FIGN: variants seen among roughly 807,000 people sequenced by gnomAD.
FIGN encodes the protein fidgetin, microtubule severing factor, also known as fidgetin.
FIGN carries 11 observed loss-of-function variants against 51.3 expected under a neutral mutation model. The ratio of observed to expected loss-of-function variants is 0.21; its 90% confidence interval spans 0.13 to 0.35. The LOEUF is 0.35. Among genes scored for constraint, FIGN ranks in the 10% least tolerant of loss-of-function variants. The pLI is 1.00. For synonymous variants in FIGN, 407 were observed against 363.2 expected (o/e 1.12, Z -1.37); for missense variants, 857 against 943.6 (o/e 0.91, Z 1.20).
chr2:163,609,323 C>A lies in FIGN; in HGVS notation c.*229G>T, dbSNP rs960932512. The A allele has an allele frequency of 7.3e-6, 4 of 545,718 alleles. No individual in the cohort carries two copies. The highest frequency in any genetic ancestry group is 1.3e-5 in the Non-Finnish European group (4 of 309,326). 33.8% of individuals were successfully genotyped at this position (545,718 alleles called of 1,614,324 possible). ...TGAGTGTTGTCTAGCTTGAACAGAA[C>A]TGAGCATCCACATATGCTTTCTGTC... On this transcript the variant is annotated 3_prime_UTR_variant, in exon 3 of 3. Coordinates refer to ENST00000333129, the MANE Select transcript of FIGN (RefSeq NM_018086.4).
chr2:163,733,485 A>G (rs1229249740), intron 2 of FIGN, among the ~76,000 whole-genome samples: 1 of 152,224 alleles, frequency 6.6e-6, no homozygotes, highest in Non-Finnish European at 1.5e-5. Flanking sequence ...TCTGCTCTGA[A>G]TATATATTAC....
At chr2:163,727,400 TTC>T (rs1282872207) in intron 2 of FIGN, among the ~76,000 whole-genome samples, 2 of 151,798 alleles carry the variant, frequency 1.3e-5, no homozygotes, top group African/African-American at 4.8e-5. Context: ...AAAAAAAATA[TTC>T]CTAAACTGTG....
chr2:163,606,177 A>G lies in FIGN; in HGVS notation c.*3375T>C, dbSNP rs1180415035. 1 of 152,164 alleles carries G rather than the reference A, an allele frequency of 6.6e-6. No individual in the cohort carries two copies. The highest frequency in any genetic ancestry group is 2.4e-5 in the African/African-American group (1 of 41,460). The allele number at this position is 152,164 out of a possible 1,614,324, so 9.4% of individuals were successfully genotyped here. The stretch of plus-strand genomic sequence containing the variant: ...GTGTGAAAGTAAATAGCCTTAAAGT[A>G]TACTGCCTTCACATTCCATTGATCA... On this transcript the variant is annotated 3_prime_UTR_variant, in exon 3 of 3. Coordinates refer to ENST00000333129, the MANE Select transcript of FIGN (RefSeq NM_018086.4).
intron 2 of FIGN, among the ~76,000 whole-genome samples, chr2:163,680,070 C>A (rs564894903): frequency 6.6e-6 from 1 of 152,320 alleles, no homozygotes. Flanking sequence ...CTCTTCATTT[C>A]ATCTAAAGCA....
intron 2 of FIGN, among the ~76,000 whole-genome samples, chr2:163,641,663 G>A (rs75622282): frequency 0.011 from 1,651 of 152,312 alleles, 21 homozygotes; most frequent in African/African-American, 0.033. Flanking sequence ...TTAGAAATCC[G>A]ATGCGGAAGA....
intron 2 of FIGN, among the ~76,000 whole-genome samples, chr2:163,694,794 A>G (rs1684290642): frequency 6.6e-6 from 1 of 152,162 alleles, no homozygotes; most frequent in Non-Finnish European, 1.5e-5. Context: ...CTCTACCTCC[A>G]TCATCTTACA....
rs547749387 is a variant in FIGN, at chr2:163,728,871, G to A, written c.25+6032C>T. ...AAGATGCCTCACATTTTAATTTTGC[G>A]CTGGGTCTCAGAAATTATGTAGCTG... On this transcript the variant is annotated intron_variant, in intron 2 of 2. Transcript: ENST00000333129. Among the ~76,000 whole-genome samples, 6 of 152,212 alleles carry A rather than the reference G, an allele frequency of 3.9e-5. No individual in the cohort carries two copies. In the South Asian group the frequency reaches 6.2e-4, roughly 16 times the overall value.
At chr2:163,634,281 C>T (rs1039632927) in intron 2 of FIGN, among the ~76,000 whole-genome samples, 1 of 151,930 alleles carries the variant, frequency 6.6e-6, no homozygotes, top group African/African-American at 2.4e-5. Context: ...TTTTTCATGC[C>T]AAGTCTTCAT....
intron 2 of FIGN, among the ~76,000 whole-genome samples, chr2:163,617,475 A>G (rs1374851264): frequency 6.6e-6 from 1 of 152,194 alleles, no homozygotes; most frequent in Admixed American, 6.6e-5. Flanking sequence ...CTTTGATTTT[A>G]GAGATTAACA....
chr2:163,623,954 T>TA (rs552098705), intron 2 of FIGN, among the ~76,000 whole-genome samples: 1 of 152,132 alleles, frequency 6.6e-6, no homozygotes, highest in Non-Finnish European at 1.5e-5. Flanking sequence ...CCAGAAGCAT[T>TA]AAAATGTTAC....
At chr2:163,673,623 C>T (rs1449928773) in intron 2 of FIGN, among the ~76,000 whole-genome samples, 1 of 152,122 alleles carries the variant, frequency 6.6e-6, no homozygotes. Context: ...TGTGCCATAA[C>T]TTATCCCACC....
intron 2 of FIGN, among the ~76,000 whole-genome samples, chr2:163,660,709 A>G (rs1189367501): frequency 8.7e-6 from 1 of 114,298 alleles, no homozygotes; most frequent in South Asian, 2.8e-4. Context: ...ATATGTATAC[A>G]CATATACATA....
chr2:163,603,990 T>G lies in FIGN; in HGVS notation c.*5562A>C, dbSNP rs1691031200. The G allele has an allele frequency of 6.6e-6, 1 of 152,116 alleles. No individual in the cohort carries two copies. Among genetic ancestry groups the G allele is most frequent in the African/African-American group, 2.4e-5 (1 of 41,450 alleles). 9.4% of individuals were successfully genotyped at this position (152,116 alleles called of 1,614,324 possible). On this transcript the variant is annotated 3_prime_UTR_variant, in exon 3 of 3. Coordinates refer to ENST00000333129, the MANE Select transcript of FIGN (RefSeq NM_018086.4). ...ATCAGAAACAAAATGCTTTCAGTTA[T>G]GGAACTTGCAAGCACCATGACTCCA...
Position 163,735,035 on chromosome 2 carries a change from CT to C in FIGN, c.-109del. The stretch of plus-strand genomic sequence containing the variant: ...CCTCTCAGCTATCAAATGTCACTGC[CT>C]TGAAACGTGGGCCCTTTCGTCAGGT... On this transcript the variant is annotated 5_prime_UTR_variant, in exon 2 of 3. Coordinates refer to ENST00000333129, the MANE Select transcript of FIGN (RefSeq NM_018086.4). The C allele has an allele frequency of 7.9e-6, 9 of 1,145,478 alleles. No homozygotes were observed. Among genetic ancestry groups the C allele is most frequent in the Non-Finnish European group, 8.9e-6 (7 of 783,042 alleles). The allele number at this position is 1,145,478 out of a possible 1,614,324, so 71.0% of individuals were successfully genotyped here. A position where few individuals can be genotyped will look rare whatever the true frequency, so the allele number is the denominator to read the frequency against.
chr2:163,694,496 T>A (rs1202893378), intron 2 of FIGN, among the ~76,000 whole-genome samples: 1 of 152,146 alleles, frequency 6.6e-6, no homozygotes, highest in African/African-American at 2.4e-5. Context: ...AAGGAGGGTG[T>A]GAGGGATGCA....
intron 2 of FIGN, among the ~76,000 whole-genome samples, chr2:163,703,030 CT>C (rs1324948335): frequency 0.012 from 1,609 of 132,114 alleles, 12 homozygotes; most frequent in African/African-American, 0.026. Flanking sequence ...GATTATTTAG[CT>C]TTTTTTTTTT....
intron 2 of FIGN, among the ~76,000 whole-genome samples, chr2:163,669,986 A>C (rs1683849574): frequency 6.6e-6 from 1 of 152,210 alleles, no homozygotes; most frequent in Non-Finnish European, 1.5e-5. Context: ...AGATATTTAA[A>C]CATTTTTACA....
intron 2 of FIGN, among the ~76,000 whole-genome samples, chr2:163,656,330 T>G (rs187753662): frequency 6.6e-6 from 1 of 152,160 alleles, no homozygotes; most frequent in Non-Finnish European, 1.5e-5. Context: ...CATTGTGACA[T>G]GTCACTCTAA....
chr2:163,617,007 G>A lies in FIGN; in HGVS notation c.26-5201C>T, dbSNP rs79428359. ...TATCTACTTATTATCATTCTTCAAT[G>A]GGAGTGATGACCAAATGAAATGTTT... On this transcript the variant is annotated intron_variant, in intron 2 of 2. Coordinates refer to ENST00000333129, the MANE Select transcript of FIGN (RefSeq NM_018086.4). 3,022 of 644,346 alleles carry A rather than the reference G, an allele frequency of 4.7e-3. 12 individuals are homozygous for A. The highest frequency in any genetic ancestry group is 5.4e-3 in the Non-Finnish European group (2,792 of 518,366). 39.9% of individuals were successfully genotyped at this position (644,346 alleles called of 1,614,324 possible).
Sources: gnomAD v4.1 joint callset for allele counts (sites outside exome capture counted in the v4.1 genomes callset) on GRCh38, gnomAD v4.1.1 for gene constraint, MANE v1.5 for transcripts, NCBI Gene and HGNC (gene_info 2026-07-23, HGNC 2026-07-21) for gene names.